Variants in MPPED2 observed in about 807,000 individuals in gnomAD.
MPPED2 encodes metallophosphoesterase domain containing 2.
A neutral mutation model predicts 33.0 loss-of-function variants in MPPED2; 5 were observed. The observed-to-expected ratio is 0.15, with a 90% CI of 0.08 to 0.32. The LOEUF is 0.32. Among genes scored for constraint, MPPED2 ranks in the 10% least tolerant of loss-of-function variants. The pLI, the probability that MPPED2 is intolerant of heterozygous loss-of-function variation, is 1.00. For missense variants in MPPED2, 275 were observed against 372.1 expected (o/e 0.74, Z 2.15); for synonymous variants, 136 against 141.9 (o/e 0.96, Z 0.29).
chr11:30,514,671 C>T lies in MPPED2; in HGVS notation c.311-19150G>A, dbSNP rs117914240. On this transcript the variant is annotated intron_variant, in intron 3 of 6. Coordinates refer to ENST00000358117, the MANE Select transcript of MPPED2 (RefSeq NM_001584.3). ...GTATACCTTCTGCTTCTTACAACAG[C>T]CTGGTAAGATATTATAATTTGATTT... is the stretch of plus-strand genomic sequence containing the variant. 8.2e-3 allele frequency among the ~76,000 whole-genome samples: 1,253 copies of T among 152,260 alleles called. 13 individuals carry two copies. Among genetic ancestry groups the T allele is most frequent in the Non-Finnish European group, 0.015 (1,030 of 68,020 alleles).
rs1009308425 is a variant in MPPED2, at chr11:30,495,610, A to C, written c.311-89T>G. ...AGACTGTGTGATTAGCAGACAGCTC[A>C]CCCAAATGAAATAGCTCGCAAATTC... On this transcript the variant is annotated intron_variant, in intron 3 of 6. Coordinates refer to ENST00000358117, the MANE Select transcript of MPPED2 (RefSeq NM_001584.3). 5 of 926,780 alleles carry C rather than the reference A, an allele frequency of 5.4e-6. No individual in the cohort carries two copies. In the African/African-American group the frequency reaches 6.6e-5, roughly 12 times the overall value. The allele number at this position is 926,780 out of a possible 1,614,324, so 57.4% of individuals were successfully genotyped here. A position where few individuals can be genotyped will look rare whatever the true frequency, so the allele number is the denominator to read the frequency against.
chr11:30,482,539 A>T (rs1315300475), intron 4 of MPPED2, among the ~76,000 whole-genome samples: 1 of 152,132 alleles, frequency 6.6e-6, no homozygotes, highest in Non-Finnish European at 1.5e-5. Flanking sequence ...TCTATTTTTG[A>T]TGATTTTCTA....
At chr11:30,551,605 T>C (rs1955717898) in intron 2 of MPPED2, among the ~76,000 whole-genome samples, 1 of 152,248 alleles carries the variant, frequency 6.6e-6, no homozygotes, top group Non-Finnish European at 1.5e-5. Context: ...TTTTGTCAGG[T>C]GTTTTTACTG....
chr11:30,551,616 AT>A (rs1565176724), intron 2 of MPPED2, among the ~76,000 whole-genome samples: 1 of 152,230 alleles, frequency 6.6e-6, no homozygotes, highest in Non-Finnish European at 1.5e-5. Context: ...GTTTTTACTG[AT>A]CCAAGTATTA....
intron 4 of MPPED2, among the ~76,000 whole-genome samples, chr11:30,477,896 T>C (rs1018288513): frequency 6.6e-5 from 10 of 152,166 alleles, no homozygotes; most frequent in Non-Finnish European, 1.3e-4. Flanking sequence ...AGAGACTTTG[T>C]AGAATATACA....
intron 4 of MPPED2, among the ~76,000 whole-genome samples, chr11:30,472,095 G>A (rs1228117688): frequency 1.3e-5 from 2 of 152,210 alleles, no homozygotes; most frequent in African/African-American, 4.8e-5. Flanking sequence ...TAGGCGCAGT[G>A]GCTCCTGCCT....
chr11:30,414,148 T>G, intron 6 of MPPED2, 80 bp downstream of exon 6: 1 of 963,282 alleles, frequency 1.0e-6, no homozygotes, highest in South Asian at 1.3e-5. Flanking sequence ...TGAAAACAAC[T>G]ACTCCACTTA....
At chr11:30,507,402 G>A (rs1952891768) in intron 3 of MPPED2, among the ~76,000 whole-genome samples, 1 of 152,072 alleles carries the variant, frequency 6.6e-6, no homozygotes, top group Non-Finnish European at 1.5e-5. Flanking sequence ...CCTACGAAAG[G>A]GGATATTACC....
At chr11:30,517,301 A>G (rs914010968) in intron 3 of MPPED2, among the ~76,000 whole-genome samples, 2 of 152,176 alleles carry the variant, frequency 1.3e-5, no homozygotes, top group Non-Finnish European at 2.9e-5. Flanking sequence ...TCATTTTTAT[A>G]GCTATTGTTA....
At chr11:30,565,699 TAC>T (rs1218600523) in intron 2 of MPPED2, among the ~76,000 whole-genome samples, 11 of 152,360 alleles carry the variant, frequency 7.2e-5, no homozygotes, top group African/African-American at 2.6e-4. Context: ...GTGCTTGTGA[TAC>T]AGACTTCTCT....
At chr11:30,498,307 G>A (rs1034468665) in intron 3 of MPPED2, among the ~76,000 whole-genome samples, 4 of 151,962 alleles carry the variant, frequency 2.6e-5, no homozygotes, top group African/African-American at 7.3e-5. Flanking sequence ...TCTACCAGCC[G>A]GGCACGGTGG....
At chr11:30,462,306 C>T (rs931190324) in intron 4 of MPPED2, among the ~76,000 whole-genome samples, 1 of 152,092 alleles carries the variant, frequency 6.6e-6, no homozygotes, top group Non-Finnish European at 1.5e-5. Flanking sequence ...AATCTACAAG[C>T]ACTAAGCCCC....
chr11:30,476,109 G>T (rs186236466), intron 4 of MPPED2, among the ~76,000 whole-genome samples: 60 of 151,888 alleles, frequency 4.0e-4, no homozygotes, highest in African/African-American at 1.4e-3. Flanking sequence ...TTTTATTAGT[G>T]GGTTGTAAGA....
intron 2 of MPPED2, among the ~76,000 whole-genome samples, chr11:30,537,194 T>G (rs1954856513): frequency 6.6e-6 from 1 of 152,208 alleles, no homozygotes; most frequent in Non-Finnish European, 1.5e-5. Context: ...TTAAGGATGC[T>G]TTAACTATAT....
At chr11:30,473,124 G>T (rs750341486) in intron 4 of MPPED2, among the ~76,000 whole-genome samples, 1 of 152,016 alleles carries the variant, frequency 6.6e-6, no homozygotes, top group African/African-American at 2.4e-5. Context: ...GTATTCTATC[G>T]TATGGACACA....
chr11:30,415,059 C>A (rs564848091), intron 5 of MPPED2, among the ~76,000 whole-genome samples: 1 of 152,108 alleles, frequency 6.6e-6, no homozygotes, highest in Non-Finnish European at 1.5e-5. Flanking sequence ...GGAATCCATA[C>A]GCCTCAGCAG....
rs569755870 is a variant in MPPED2 at position 30,512,884 on chromosome 11, G to A, written c.311-17363C>T. Among the ~76,000 whole-genome samples the A allele has an allele frequency of 3.3e-5, 5 of 152,092 alleles. No homozygotes were observed. In the East Asian group the frequency reaches 7.8e-4, roughly 24 times the overall value. On this transcript the variant is annotated intron_variant, in intron 3 of 6. Coordinates refer to ENST00000358117, the MANE Select transcript of MPPED2 (RefSeq NM_001584.3). ...AATGTGGTGGTGTACACCTGTGATC[G>A]CAGCTACTCGGGAGGCTGAGGTGGA...
chr11:30,570,186 A>G (rs1400068377), intron 2 of MPPED2, among the ~76,000 whole-genome samples: 1 of 152,090 alleles, frequency 6.6e-6, no homozygotes, highest in Non-Finnish European at 1.5e-5. Flanking sequence ...GTCCATGATC[A>G]AGGCAGATTC....
chr11:30,430,890 C>A (rs1321790696), intron 4 of MPPED2, among the ~76,000 whole-genome samples: 1 of 152,202 alleles, frequency 6.6e-6, no homozygotes, highest in African/African-American at 2.4e-5. Flanking sequence ...TCTGGGCATG[C>A]TCTTCCATTC....
Sources: gnomAD v4.1 joint callset for allele counts (sites outside exome capture counted in the v4.1 genomes callset) on GRCh38, gnomAD v4.1.1 for gene constraint, MANE v1.5 for transcripts, NCBI Gene and HGNC (gene_info 2026-07-23, HGNC 2026-07-21) for gene names.